The following PMPCB variants were observed in gnomAD, a reference collection of about 807,000 sequenced individuals.
PMPCB encodes mitochondrial-processing peptidase subunit beta.
A neutral mutation model predicts 61.5 loss-of-function variants in PMPCB; 46 were observed. The observed-to-expected ratio is 0.75, with a 90% CI of 0.59 to 0.96. The LOEUF is 0.96. Ranked by LOEUF, PMPCB falls within the 40% of genes least tolerant of loss-of-function variation. The probability of loss-of-function intolerance (pLI) is 0.00; values close to 1 mark genes in which losing one functional copy is unlikely to be tolerated. For synonymous variants in PMPCB, 191 were observed against 201.6 expected, an observed-to-expected ratio of 0.95 and a Z score of 0.44; for missense variants, 590 against 602.4, an observed-to-expected ratio of 0.98 and a Z score of 0.22.
chr7:103,321,780 G>T, intron 12 of PMPCB: 1 of 788,008 alleles, frequency 1.3e-6, no homozygotes. Flanking sequence ...ACCCGGAGGC[G>T]GAAATTGCGG....
downstream of PMPCB, chr7:103,316,650 A>G: frequency 1.7e-6 from 1 of 605,320 alleles, no homozygotes; most frequent in Non-Finnish European, 2.9e-6. Flanking sequence ...GTGCATGTGT[A>G]CTGATGCAAT....
At chr7:103,345,725 G>T in the PMPCB span, among the ~76,000 whole-genome samples, 1 of 151,620 alleles carries the variant, frequency 6.6e-6, no homozygotes, top group African/African-American at 2.4e-5. Context: ...CAAAACTCTG[G>T]GATTAGAGGC....
chr7:103,310,242 C>T, intron 8 of PMPCB, 73 bp from the exon 9 acceptor site: 4 of 1,130,932 alleles, frequency 3.5e-6, no homozygotes, highest in Non-Finnish European at 3.9e-6. Context: ...CTATTTTCCA[C>T]ACACTCCATT....
chr7:103,312,427 A>G lies in PMPCB; in HGVS notation c.*156A>G. The G allele has an allele frequency of 3.3e-6, 5 of 1,510,640 alleles. No homozygotes were observed. Among genetic ancestry groups the G allele is most frequent in the Non-Finnish European group, 4.4e-6 (5 of 1,139,186 alleles). 93.6% of individuals were successfully genotyped at this position (1,510,640 alleles called of 1,614,324 possible). A position where few individuals can be genotyped will look rare whatever the true frequency, so the allele number is the denominator to read the frequency against. On this transcript the variant is annotated 3_prime_UTR_variant, in exon 13 of 13. Coordinates refer to ENST00000249269, the MANE Select transcript of PMPCB (RefSeq NM_004279.3). ...ACTACCCCTCTGAAGGTTGTTTTGT[A>G]TTAATGGTCAGTCTTTGTTCTCTGA... is the stretch of plus-strand genomic sequence containing the variant.
downstream of PMPCB, chr7:103,315,853 T>C: frequency 6.2e-7 from 1 of 1,613,212 alleles, no homozygotes. Context: ...TTTATTTATG[T>C]CATCTTTTTG....
chr7:103,308,942 T>C lies in PMPCB; in HGVS notation c.850-10T>C. 3 of 1,566,256 alleles carry C rather than the reference T, an allele frequency of 1.9e-6. No individual in the cohort carries two copies. Among genetic ancestry groups the C allele is most frequent in the Non-Finnish European group, 2.6e-6 (3 of 1,156,606 alleles). On this transcript the variant is annotated splice_polypyrimidine_tract_variant and intron_variant, in intron 7 of 12. Transcript: ENST00000249269. The stretch of plus-strand genomic sequence containing the variant: ...CTTAACTAGAGGTCCTCCTGCTTTA[T>C]CTTAACTAGATTCGTGTGAGGGATG...
rs1817615634 is a variant in PMPCB, at chr7:103,307,261, T to A, written c.737-335T>A. Among the ~76,000 whole-genome samples the A allele has an allele frequency of 3.9e-5, 6 of 152,350 alleles. 1 individual carries two copies. The South Asian group carries it at 1.2e-3, about 32-fold the overall frequency. ...ACTAAAAAATTTTTTTTTTGAAAATTGGCATTTTTTGCTAGTTTGGATCCC... is the reference window on the plus strand; with the variant it reads ...ACTAAAAAATTTTTTTTTTGAAAATAGGCATTTTTTGCTAGTTTGGATCCC... On this transcript the variant is annotated intron_variant, in intron 6 of 12. Transcript: ENST00000249269.
chr7:103,330,964 A>ATTTT (rs1040881184), downstream of PMPCB, among the ~76,000 whole-genome samples: 1 of 139,306 alleles, frequency 7.2e-6, no homozygotes. Context: ...AACAAAATCC[A>ATTTT]TTTTTTTTTT....
intron 8 of PMPCB, 68 bp from the exon 9 acceptor site, chr7:103,310,245 ACT>A: frequency 9.5e-6 from 11 of 1,151,856 alleles, no homozygotes; most frequent in Non-Finnish European, 1.4e-5. Flanking sequence ...TTTTCCACAC[ACT>A]CCATTTTTCT....
chr7:103,315,777 T>G (rs1818016531), downstream of PMPCB: 1 of 1,613,506 alleles, frequency 6.2e-7, no homozygotes, highest in African/African-American at 1.3e-5. Flanking sequence ...CAAATCGTTC[T>G]GAAGGCGTTG....
At chr7:103,308,584 A>C (rs1166577277) in intron 7 of PMPCB, among the ~76,000 whole-genome samples, 1 of 152,122 alleles carries the variant, frequency 6.6e-6, no homozygotes, top group Non-Finnish European at 1.5e-5. Flanking sequence ...GTGCCACTGC[A>C]CTCCAGGCTG....
the PMPCB span, chr7:103,342,079 G>A: frequency 1.7e-3 from 1,046 of 627,434 alleles, 11 homozygotes; most frequent in African/African-American, 0.017. Context: ...TAAAACCACC[G>A]ACTACGAAAA....
At chr7:103,299,643 T>G in intron 3 of PMPCB, 114 bp downstream of exon 3, 1 of 601,360 alleles carries the variant, frequency 1.7e-6, no homozygotes, top group Non-Finnish European at 2.9e-6. Context: ...TTTATGTTTA[T>G]TTTTCCAGGA....
downstream of PMPCB, chr7:103,316,717 A>T: frequency 1.1e-6 from 1 of 917,926 alleles, no homozygotes; most frequent in Non-Finnish European, 1.6e-6. Flanking sequence ...CTGCTGTGGC[A>T]CAGAATTTAT....
chr7:103,338,267 C>CTTTT, the PMPCB span, among the ~76,000 whole-genome samples: 1 of 124,124 alleles, frequency 8.1e-6, no homozygotes, highest in South Asian at 2.7e-4. Flanking sequence ...AAGACCCTGT[C>CTTTT]TTTTTTTTTT....
At chr7:103,320,286 C>G (rs1285370266) in intron 12 of PMPCB, among the ~76,000 whole-genome samples, 2 of 151,572 alleles carry the variant, frequency 1.3e-5, no homozygotes, top group Admixed American at 6.6e-5. Flanking sequence ...GACGGGGTTT[C>G]ACCATTTTGG....
At chr7:103,318,067 A>G (rs1818169660), downstream of PMPCB, among the ~76,000 whole-genome samples, 1 of 152,248 alleles carries the variant, frequency 6.6e-6, no homozygotes, top group Non-Finnish European at 1.5e-5. Context: ...AAAGATTTGC[A>G]GTAATGGAAA....
intron 4 of PMPCB, among the ~76,000 whole-genome samples, chr7:103,300,810 G>A (rs1048415087): frequency 6.6e-6 from 1 of 152,064 alleles, no homozygotes; most frequent in Admixed American, 6.6e-5. Flanking sequence ...TCAGCCTCCT[G>A]AGTAGCTGGG....
the PMPCB span, chr7:103,337,644 T>C: frequency 8.7e-6 from 9 of 1,029,626 alleles, no homozygotes; most frequent in Admixed American, 4.3e-5. Context: ...TAGTTATGGC[T>C]GCAGACTATG....
Sources: allele counts gnomAD v4.1 joint callset (sites outside exome capture counted in the v4.1 genomes callset), GRCh38; gene constraint gnomAD v4.1.1; transcripts MANE v1.5; gene names NCBI Gene and HGNC (gene_info 2026-07-23, HGNC 2026-07-21).